Variants in SDK2 observed in about 807,000 individuals in gnomAD.
SDK2 encodes the protein sidekick cell adhesion molecule 2, also known as protein sidekick-2.
A neutral mutation model predicts 253.9 loss-of-function variants in SDK2; 105 were observed. The observed-to-expected ratio is 0.41, with a 90% CI of 0.35 to 0.49. SDK2 has a LOEUF of 0.49. SDK2 is among the 20% of genes least tolerant of loss of function. SDK2 has a pLI of 0.06. For missense variants in SDK2, 2,608 were observed against 3,003.0 expected, an observed-to-expected ratio of 0.87 and a Z score of 3.07; for synonymous variants, 1,249 against 1,234.9, an observed-to-expected ratio of 1.01 and a Z score of -0.24.
chr17:73,604,212 C>T (rs970059810), intron 1 of SDK2, among the ~76,000 whole-genome samples: 5 of 152,224 alleles, frequency 3.3e-5, no homozygotes, highest in Admixed American at 1.3e-4. Context: ...CGAACAGAGC[C>T]CCATTCAGCC....
chr17:73,370,019 G>A lies in SDK2; in HGVS notation c.4981-1426C>T, dbSNP rs562259729. 7.2e-5 allele frequency among the ~76,000 whole-genome samples: 11 copies of A among 152,296 alleles called. No homozygotes were observed. In the East Asian group the frequency reaches 1.9e-3, roughly 27 times the overall value. ...CCAGGACTGAGGCCATCCAGATAGC[G>A]GCCAGCTGGGCCCAGCCACGTGCAA... On this transcript the variant is annotated intron_variant, in intron 36 of 44. Coordinates refer to ENST00000392650, the MANE Select transcript of SDK2 (RefSeq NM_001144952.2).
rs1201296252 is a variant in SDK2 at position 73,481,530 on chromosome 17, C to T, written c.225-9312G>A. 6.6e-6 allele frequency among the ~76,000 whole-genome samples: 1 copy of T among 152,014 alleles called. No homozygotes were observed. Among genetic ancestry groups the T allele is most frequent in the Non-Finnish European group, 1.5e-5 (1 of 68,012 alleles). ...AGAGAGAGACAGGGAGACAGAGAAACAGAGACAGAGAAAGAGAGAGACAGA... is the reference window on the plus strand; with the variant it reads ...AGAGAGAGACAGGGAGACAGAGAAATAGAGACAGAGAAAGAGAGAGACAGA... On this transcript the variant is annotated intron_variant, in intron 2 of 44. Coordinates refer to ENST00000392650, the MANE Select transcript of SDK2 (RefSeq NM_001144952.2). The surrounding 1 kb of genome is among the most constrained non-coding windows in gnomAD (Gnocchi z 4.5).
intron 1 of SDK2, among the ~76,000 whole-genome samples, chr17:73,543,693 G>A (rs1396745456): frequency 1.3e-5 from 2 of 152,230 alleles, no homozygotes; most frequent in Non-Finnish European, 2.9e-5. Context: ...TGGGGGATAG[G>A]GGCAGGCCAG....
intron 33 of SDK2, among the ~76,000 whole-genome samples, chr17:73,382,218 CAAAAAAAA>C (rs34453546): frequency 6.3e-5 from 8 of 126,714 alleles, no homozygotes; most frequent in African/African-American, 2.5e-4. Context: ...AACTCCATTT[CAAAAAAAA>C]AAAAAAAAAG....
chr17:73,611,650 C>A (rs1599724936), intron 1 of SDK2, among the ~76,000 whole-genome samples: 1 of 152,244 alleles, frequency 6.6e-6, no homozygotes, highest in African/African-American at 2.4e-5. Context: ...AGTTTCCCCA[C>A]CTTCCCTCAT....
At chr17:73,507,651 C>T in intron 1 of SDK2, 54 bp from the exon 2 acceptor site, 1 of 1,528,104 alleles carries the variant, frequency 6.5e-7, no homozygotes, top group Non-Finnish European at 8.8e-7. Flanking sequence ...CCTATGTGAC[C>T]TGGTGCGTTT....
intron 13 of SDK2, 84 bp downstream of exon 13, chr17:73,423,832 A>G (rs1599552952): frequency 1.2e-5 from 1 of 85,428 alleles, no homozygotes; most frequent in Non-Finnish European, 2.5e-5. Context: ...TGGGGATCTG[A>G]AAAAAGGGAC....
Position 73,398,446 on chromosome 17 carries a change from T to C in SDK2, c.3094-17A>G, listed in dbSNP as rs2145517142. On this transcript the variant is annotated splice_polypyrimidine_tract_variant and intron_variant, in intron 22 of 44. Transcript: ENST00000392650. Reference sequence around the variant, plus strand: ...CACGCCTACCTGGAAAAGGGCAGGATCTTAGGCCTGTCCAGCCTACAGGGC... The same window carrying C: ...CACGCCTACCTGGAAAAGGGCAGGACCTTAGGCCTGTCCAGCCTACAGGGC... 1 of 1,605,248 alleles carries C rather than the reference T, an allele frequency of 6.2e-7. No homozygotes were observed.
At chr17:73,474,947 G>C (rs1009162214) in intron 2 of SDK2, among the ~76,000 whole-genome samples, 1 of 152,176 alleles carries the variant, frequency 6.6e-6, no homozygotes, top group African/African-American at 2.4e-5. Flanking sequence ...AAGACGACAA[G>C]ACCATGTTTG....
At chr17:73,434,099 C>T (rs930283222) in intron 9 of SDK2, among the ~76,000 whole-genome samples, 1 of 152,242 alleles carries the variant, frequency 6.6e-6, no homozygotes. Context: ...AGTCCCCACA[C>T]TGCTTGGATT....
intron 3 of SDK2, among the ~76,000 whole-genome samples, chr17:73,461,460 G>A (rs966689058): frequency 1.3e-5 from 2 of 152,248 alleles, no homozygotes; most frequent in African/African-American, 4.8e-5. Flanking sequence ...CTTCAGACTG[G>A]GATTTAGGTG....
intron 37 of SDK2, among the ~76,000 whole-genome samples, chr17:73,367,490 T>C (rs1420106903): frequency 6.6e-6 from 1 of 150,466 alleles, no homozygotes; most frequent in Non-Finnish European, 1.5e-5. Context: ...GAGCATCTCA[T>C]GGCTGGCCTC....
intron 15 of SDK2, among the ~76,000 whole-genome samples, chr17:73,420,424 C>T (rs1392615774): frequency 4.6e-5 from 7 of 152,164 alleles, no homozygotes; most frequent in African/African-American, 1.7e-4. Context: ...CTCTGCCTCC[C>T]GGGTTCAAGC....
chr17:73,578,980 G>A (rs1474047524), intron 1 of SDK2, among the ~76,000 whole-genome samples: 2 of 152,080 alleles, frequency 1.3e-5, no homozygotes, highest in Non-Finnish European at 2.9e-5. Context: ...CCTCTCCAGC[G>A]TGGTCTCCTT....
At chr17:73,483,615 GTATA>G (rs1322116082) in intron 2 of SDK2, among the ~76,000 whole-genome samples, 5 of 123,484 alleles carry the variant, frequency 4.0e-5, no homozygotes, top group Admixed American at 1.8e-4. Flanking sequence ...GTATATATAT[GTATA>G]TATATGTATA....
chr17:73,454,714 T>C (rs919731585), intron 4 of SDK2, among the ~76,000 whole-genome samples: 3 of 152,098 alleles, frequency 2.0e-5, no homozygotes, highest in African/African-American at 4.8e-5. Flanking sequence ...TTATCATTAT[T>C]TGAGATGGAG....
chr17:73,348,789 G>C (rs1599470828), intron 43 of SDK2, 64 bp from the exon 44 acceptor site: 1 of 1,444,962 alleles, frequency 6.9e-7, no homozygotes, highest in East Asian at 2.3e-5. Context: ...CCCTGGCCTA[G>C]GGAGACCACA....
intron 1 of SDK2, among the ~76,000 whole-genome samples, chr17:73,510,351 T>C (rs1197353582): frequency 6.6e-6 from 1 of 152,166 alleles, no homozygotes; most frequent in Non-Finnish European, 1.5e-5. Context: ...TGGGAGGCTT[T>C]TCCTTGAACT....
rs537713614 is a variant in SDK2, at chr17:73,619,427, G to C, written c.64+24598C>G. Among the ~76,000 whole-genome samples, 10 of 152,290 alleles carry C rather than the reference G, an allele frequency of 6.6e-5. No homozygotes were observed. In the South Asian group the frequency reaches 8.3e-4, roughly 13 times the overall value. ...ACAGAGACCGGTGTAACAGAACAGA[G>C]AGTCTATATGCATCTATGGCCAACT... On this transcript the variant is annotated intron_variant, in intron 1 of 44. Transcript: ENST00000392650.
Sources: gnomAD v4.1 joint callset for allele counts (sites outside exome capture counted in the v4.1 genomes callset) on GRCh38, gnomAD v4.1.1 for gene constraint, Gnocchi (gnomAD v3.1) non-coding constraint, MANE v1.5 for transcripts, NCBI Gene and HGNC (gene_info 2026-07-23, HGNC 2026-07-21) for gene names.